The following TTC3 variants were observed in gnomAD, a reference collection of about 807,000 sequenced individuals.
TTC3 encodes tetratricopeptide repeat domain 3.
In TTC3, 180 loss-of-function variants were observed where a neutral mutation model predicts 249.6. The ratio of observed to expected loss-of-function variants is 0.72; its 90% CI spans 0.64 to 0.82. The LOEUF (loss-of-function observed/expected upper bound fraction) is 0.82, where lower values mean the gene tolerates loss of function less well. Among genes scored for constraint, TTC3 ranks in the 40% least tolerant of loss-of-function variants. The pLI, the probability that TTC3 is intolerant of heterozygous loss-of-function variation, is 0.00. For synonymous variants in TTC3, 717 were observed against 805.0 expected, an observed-to-expected ratio of 0.89 and a Z score of 1.85; for missense variants, 2,061 against 2,398.4, an observed-to-expected ratio of 0.86 and a Z score of 2.94.
exon 45 of TTC3, chr21:37,200,250 T>G: frequency 1.2e-6 from 2 of 1,614,198 alleles, no homozygotes; most frequent in South Asian, 2.2e-5. Context: ...TGCAAGTTCC[T>G]GTGAAATATG....
chr21:37,110,201 G>T (rs988702364), intron 11 of TTC3, among the ~76,000 whole-genome samples: 12 of 152,260 alleles, frequency 7.9e-5, no homozygotes, highest in African/African-American at 2.7e-4. Flanking sequence ...GAACAAAGCT[G>T]GACGGAGAAT....
chr21:37,170,160 GACA>G (rs1016383564), intron 34 of TTC3, among the ~76,000 whole-genome samples: 4 of 152,106 alleles, frequency 2.6e-5, no homozygotes, highest in African/African-American at 7.2e-5. Context: ...GCATATGTAT[GACA>G]ACAAATACAT....
intron 25 of TTC3, among the ~76,000 whole-genome samples, chr21:37,151,392 G>GT (rs2079452351): frequency 1.3e-5 from 2 of 151,680 alleles, no homozygotes; most frequent in South Asian, 4.2e-4. Context: ...CCTGCTTCTT[G>GT]TTTTTCTTTC....
chr21:37,146,125 C>T (rs1014014928), intron 21 of TTC3, among the ~76,000 whole-genome samples: 14 of 152,188 alleles, frequency 9.2e-5, no homozygotes, highest in East Asian at 1.9e-4. Context: ...CCCAAGTATT[C>T]GTGAGCTGAT....
chr21:37,107,077 T>G (rs79321947), intron 10 of TTC3, among the ~76,000 whole-genome samples: 4 of 43,466 alleles, frequency 9.2e-5, no homozygotes, highest in Admixed American at 4.1e-4. Context: ...ATCTAGTTGG[T>G]TTTTTTTTTT....
At chr21:37,135,338 T>C in intron 17 of TTC3, 42 bp from the exon 18 acceptor site, 2 of 1,567,574 alleles carry the variant, frequency 1.3e-6, no homozygotes, top group Non-Finnish European at 1.7e-6. Context: ...AAATTAAAAA[T>C]GTGTAGATTC....
At chr21:37,138,230 A>T (rs1472461817) in intron 18 of TTC3, among the ~76,000 whole-genome samples, 1 of 152,178 alleles carries the variant, frequency 6.6e-6, no homozygotes, top group Admixed American at 6.5e-5. Flanking sequence ...TGTGAGACTC[A>T]CTTGATTGTG....
Position 37,193,702 on chromosome 21 carries a change from C to G in TTC3, c.5217+1489C>G, listed in dbSNP as rs2084493500. 2.0e-5 allele frequency: 3 copies of G among 152,272 alleles called. No homozygotes were observed. The South Asian group carries it at 6.2e-4, about 32-fold the overall frequency. The allele number at this position is 152,272 out of a possible 1,614,324, so 9.4% of individuals were successfully genotyped here. A position where few individuals can be genotyped will look rare whatever the true frequency, so the allele number is the denominator to read the frequency against. On this transcript the variant is annotated intron_variant, in intron 41 of 45. Transcript: ENST00000355666. ...TAAAAATTATTTGTATCTCATTTCT[C>G]CCTCATTCATTCATTCGGTAATTAG...
chr21:37,126,105 A>G (rs888693869), exon 15 of TTC3: 7 of 1,610,700 alleles, frequency 4.3e-6, no homozygotes, highest in African/African-American at 1.3e-5. Context: ...TTGAAGGTAG[A>G]TGATTGTGAC....
intron 19 of TTC3, among the ~76,000 whole-genome samples, chr21:37,140,149 A>G (rs982776077): frequency 2.9e-4 from 44 of 152,204 alleles, no homozygotes; most frequent in African/African-American, 1.0e-3. Flanking sequence ...AGACTGTGAC[A>G]ACGTCATTGG....
chr21:37,128,538 C>T (rs1175452523), intron 15 of TTC3, among the ~76,000 whole-genome samples: 2 of 152,218 alleles, frequency 1.3e-5, no homozygotes, highest in Non-Finnish European at 2.9e-5. Flanking sequence ...ACACAAATGC[C>T]ATATCCTCAC....
intron 11 of TTC3, among the ~76,000 whole-genome samples, chr21:37,115,104 C>T (rs1403978337): frequency 6.6e-6 from 1 of 151,654 alleles, no homozygotes; most frequent in Non-Finnish European, 1.5e-5. Flanking sequence ...GGGTGCAGCA[C>T]AGCAACATGG....
chr21:37,163,125 G>C (rs2080924030), intron 31 of TTC3, among the ~76,000 whole-genome samples: 1 of 152,086 alleles, frequency 6.6e-6, no homozygotes, highest in African/African-American at 2.4e-5. Context: ...TTGTTTTGGG[G>C]GTTTACATAC....
intron 15 of TTC3, 124 bp downstream of exon 15, chr21:37,126,267 C>T (rs949229817): frequency 9.6e-6 from 6 of 623,878 alleles, no homozygotes; most frequent in East Asian, 6.1e-5. Context: ...TATAATGCTT[C>T]TATGTTAAGA....
rs553272127 is a variant in TTC3, at chr21:37,139,117, T to C, written c.1659+403T>C. Among the ~76,000 whole-genome samples, 22 of 152,266 alleles carry C rather than the reference T, an allele frequency of 1.4e-4. No homozygotes were observed. The East Asian group carries it at 4.1e-3, about 28-fold the overall frequency. On this transcript the variant is annotated intron_variant, in intron 19 of 45. Transcript: ENST00000355666. ...TAAAAAAGTGAAAAAATATGGATTA[T>C]GTTTATATAAAATTTAAGATAATGG...
chr21:37,160,895 T>C (rs763336592), intron 30 of TTC3, 37 bp downstream of exon 30: 1 of 1,589,884 alleles, frequency 6.3e-7, no homozygotes, highest in East Asian at 2.3e-5. Flanking sequence ...TTGTCTAAAC[T>C]CTCCAAAATA....
intron 16 of TTC3, among the ~76,000 whole-genome samples, chr21:37,131,843 C>G (rs2077495530): frequency 6.6e-6 from 1 of 152,160 alleles, no homozygotes. Flanking sequence ...CATTGGATGT[C>G]AGAAGTACTT....
chr21:37,165,551 TAC>T lies in TTC3; in HGVS notation c.3338_3339del (p.Tyr1113PhefsTer15), dbSNP rs1324037007. The T allele has an allele frequency of 6.3e-7, 1 of 1,581,704 alleles. No homozygotes were observed. Among genetic ancestry groups the T allele is most frequent in the Admixed American group, 1.9e-5 (1 of 52,828 alleles). ...ATGTAAATGTAAATTTTTTCCAAGT[TAC>T]TTCTCTCAGTTTTTGGAGGAACATG... On this transcript the variant is annotated frameshift_variant and splice_region_variant, in exon 33 of 46. Coordinates refer to ENST00000355666, the Ensembl canonical transcript of TTC3. LOFTEE classifies it high-confidence loss of function.
At chr21:37,163,693 A>T (rs1034328024) in intron 31 of TTC3, among the ~76,000 whole-genome samples, 4 of 152,194 alleles carry the variant, frequency 2.6e-5, no homozygotes, top group African/African-American at 9.6e-5. Context: ...TCTCAGTCTC[A>T]CTTTAAGTTA....
Sources: gnomAD v4.1 joint callset for allele counts (sites outside exome capture counted in the v4.1 genomes callset) on GRCh38, gnomAD v4.1.1 for gene constraint, MANE v1.5 for transcripts, NCBI Gene and HGNC (gene_info 2026-07-23, HGNC 2026-07-21) for gene names.